Variants in AKR1E2 observed in about 807,000 individuals in gnomAD.
AKR1E2 encodes 1,5-anhydro-D-fructose reductase.
In AKR1E2, 43 loss-of-function variants were observed where a neutral mutation model predicts 41.9. The observed-to-expected ratio is 1.03, with a 90% CI of 0.80 to 1.32. The LOEUF (loss-of-function observed/expected upper bound fraction) is 1.32. AKR1E2 is among the 40% of genes most tolerant of loss of function. AKR1E2 has a pLI of 0.00. For synonymous variants in AKR1E2, 121 were observed against 138.9 expected, an observed-to-expected ratio of 0.87 and a Z score of 0.91; for missense variants, 423 against 396.5, an observed-to-expected ratio of 1.07 and a Z score of -0.57.
chr10:4,833,412 C>T lies in AKR1E2; in HGVS notation c.270C>T (p.Ala90=), dbSNP rs148712272. 6.2e-7 allele frequency: 1 copy of T among 1,614,052 alleles called. No individual in the cohort carries two copies. The highest frequency in any genetic ancestry group is 1.3e-5 in the African/African-American group (1 of 74,910). The change falls in exon 3 of 10, where the codon GCC becomes GCT. Residue 90 remains alanine, a synonymous_variant. Transcript: ENST00000298375. ...CAGCATGCAGAAAGAGTCTCAAGGC[C>T]TTGAAGCTGAACTATTTGGACCTCT... The part of the protein sequence containing the change: ...VETACRKSLK[A]LKLNYLDLYL...
intron 6 of AKR1E2, 74 bp downstream of exon 6, chr10:4,839,900 T>C: frequency 7.2e-7 from 1 of 1,390,448 alleles, no homozygotes; most frequent in Non-Finnish European, 1.0e-6. Context: ...TTCCTTGGGA[T>C]GACTGAGGGA....
chr10:4,862,306 C>T, the AKR1E2 span, among the ~76,000 whole-genome samples: 1 of 152,254 alleles, frequency 6.6e-6, no homozygotes, highest in African/African-American at 2.4e-5. Context: ...GTTTTGGTAC[C>T]AGTACCATGC....
At chr10:4,870,288 A>G in the AKR1E2 span, among the ~76,000 whole-genome samples, 5 of 152,020 alleles carry the variant, frequency 3.3e-5, no homozygotes, top group African/African-American at 1.2e-4. Context: ...CATATAAGAC[A>G]TTTAGTTTTT....
At chr10:4,827,173 C>T (rs1448040919) in intron 1 of AKR1E2, among the ~76,000 whole-genome samples, 1 of 151,782 alleles carries the variant, frequency 6.6e-6, no homozygotes, top group African/African-American at 2.4e-5. Context: ...TTAGAAGCAA[C>T]CTGCCCTGAT....
At chr10:4,858,831 T>TC in the AKR1E2 span, among the ~76,000 whole-genome samples, 5 of 150,330 alleles carry the variant, frequency 3.3e-5, no homozygotes, top group African/African-American at 1.2e-4. Flanking sequence ...GGATTTTTTT[T>TC]TTTTTTTTTT....
chr10:4,830,920 A>G, intron 2 of AKR1E2, 78 bp downstream of exon 2: 2 of 1,538,980 alleles, frequency 1.3e-6, no homozygotes, highest in Non-Finnish European at 1.8e-6. Context: ...TCTTTATGGG[A>G]GTTGATGACT....
chr10:4,844,320 G>A (rs1316693380), intron 8 of AKR1E2, among the ~76,000 whole-genome samples: 4 of 152,184 alleles, frequency 2.6e-5, no homozygotes, highest in Admixed American at 6.5e-5. Context: ...CTTCAGGAGT[G>A]ATGCTGCAGA....
At chr10:4,830,573 A>G (rs995171318) in intron 1 of AKR1E2, 102 bp from the exon 2 acceptor site, 2 of 1,369,414 alleles carry the variant, frequency 1.5e-6, no homozygotes, top group Non-Finnish European at 2.0e-6. Flanking sequence ...TTAGTGACTT[A>G]ATTTTTTATG....
At chr10:4,829,784 A>C (rs1207807493) in intron 1 of AKR1E2, among the ~76,000 whole-genome samples, 1 of 152,170 alleles carries the variant, frequency 6.6e-6, no homozygotes, top group African/African-American at 2.4e-5. Context: ...TTTTTTAAAA[A>C]GTTGGCCTCT....
intron 2 of AKR1E2, 91 bp downstream of exon 2, chr10:4,830,933 G>C (rs1389136023): frequency 2.1e-5 from 31 of 1,470,102 alleles, no homozygotes; most frequent in Non-Finnish European, 2.5e-5. Context: ...TGATGACTTT[G>C]TTTCATACTC....
At chr10:4,833,794 G>T (rs1337842751) in intron 3 of AKR1E2, among the ~76,000 whole-genome samples, 1 of 152,182 alleles carries the variant, frequency 6.6e-6, no homozygotes, top group African/African-American at 2.4e-5. Flanking sequence ...GCTGCTCAGA[G>T]AAAGTTCCCA....
the AKR1E2 span, among the ~76,000 whole-genome samples, chr10:4,854,880 CTTTCGGCTAAGA>C: frequency 6.6e-6 from 1 of 152,198 alleles, no homozygotes; most frequent in Non-Finnish European, 1.5e-5. Flanking sequence ...GGTAAAGTCT[CTTTCGGCTAAGA>C]ATGGGTTTGG....
the AKR1E2 span, among the ~76,000 whole-genome samples, chr10:4,858,256 G>A: frequency 6.6e-6 from 1 of 152,134 alleles, no homozygotes; most frequent in African/African-American, 2.4e-5. Flanking sequence ...TAGGCCATTT[G>A]AAAATTGGAG....
chr10:4,826,375 G>A lies in AKR1E2; in HGVS notation c.39+12G>A, dbSNP rs1163622777. ...TCAGCTCCTGGAAGGTGACGCGGTC[G>A]CGGGCAGGGAGGCGCGCCTGACCTA... On this transcript the variant is annotated intron_variant, in intron 1 of 9. Coordinates refer to ENST00000298375, the MANE Select transcript of AKR1E2 (RefSeq NM_001040177.3). 3.2e-6 allele frequency: 4 copies of A among 1,233,812 alleles called. No individual in the cohort carries two copies. The highest frequency in any genetic ancestry group is 3.0e-6 in the Non-Finnish European group (3 of 987,228). 76.4% of individuals were successfully genotyped at this position (1,233,812 alleles called of 1,614,324 possible).
chr10:4,859,286 G>T, the AKR1E2 span, among the ~76,000 whole-genome samples: 1 of 152,186 alleles, frequency 6.6e-6, no homozygotes, highest in African/African-American at 2.4e-5. Context: ...AACTCTGTCA[G>T]TTGAAACACA....
At chr10:4,831,291 G>A (rs1832950102) in intron 2 of AKR1E2, among the ~76,000 whole-genome samples, 1 of 152,180 alleles carries the variant, frequency 6.6e-6, no homozygotes, top group African/African-American at 2.4e-5. Context: ...GAAGCAGCAC[G>A]GCAGGTGCAG....
chr10:4,848,214 T>G (rs1237413943), downstream of AKR1E2, among the ~76,000 whole-genome samples: 1 of 152,070 alleles, frequency 6.6e-6, no homozygotes, highest in African/African-American at 2.4e-5. Flanking sequence ...AGTAGCTGGT[T>G]AATTCCTAAA....
chr10:4,869,422 A>G, the AKR1E2 span, among the ~76,000 whole-genome samples: 1 of 151,834 alleles, frequency 6.6e-6, no homozygotes, highest in African/African-American at 2.4e-5. Flanking sequence ...CTCTTTTTTT[A>G]TGTCAGTCTT....
At chr10:4,868,629 T>G in the AKR1E2 span, among the ~76,000 whole-genome samples, 1 of 152,330 alleles carries the variant, frequency 6.6e-6, no homozygotes, top group Admixed American at 6.5e-5. Flanking sequence ...ACATCCTTGC[T>G]TTTTTCCCAG....
Sources: allele counts gnomAD v4.1 joint callset (sites outside exome capture counted in the v4.1 genomes callset), GRCh38; gene constraint gnomAD v4.1.1; transcripts MANE v1.5; gene names NCBI Gene and HGNC (gene_info 2026-07-23, HGNC 2026-07-21).